The following SNX8 variants were observed in gnomAD, a reference collection of about 807,000 sequenced individuals.
SNX8 encodes sorting nexin 8, also known as sorting nexin-8.
SNX8 carries 25 observed loss-of-function variants against 51.6 expected under a neutral mutation model. The ratio of observed to expected loss-of-function variants is 0.48; its 90% CI spans 0.35 to 0.68. The LOEUF (loss-of-function observed/expected upper bound fraction) is 0.68. Ranked by LOEUF, SNX8 falls within the 30% of genes least tolerant of loss-of-function variation. The probability of loss-of-function intolerance (pLI) is 0.00; values close to 1 mark genes in which losing one functional copy is unlikely to be tolerated. For synonymous variants in SNX8, 324 were observed against 277.0 expected (o/e 1.17, Z -1.68); for missense variants, 695 against 624.0 (o/e 1.11, Z -1.21).
intron 5 of SNX8, among the ~76,000 whole-genome samples, chr7:2,266,621 A>T (rs534959432): frequency 2.6e-5 from 4 of 152,320 alleles, no homozygotes; most frequent in South Asian, 4.1e-4. Context: ...CTAGGATTAC[A>T]GGCGTAAGCC....
At chr7:2,332,158 G>T (rs950745389) in intron 1 of SNX8, among the ~76,000 whole-genome samples, 2 of 151,596 alleles carry the variant, frequency 1.3e-5, no homozygotes, top group Non-Finnish European at 2.9e-5. Context: ...AGTGAACCAA[G>T]ATCACACCAC....
chr7:2,279,520 G>A (rs752794798), intron 1 of SNX8, among the ~76,000 whole-genome samples: 17 of 152,128 alleles, frequency 1.1e-4, no homozygotes, highest in Non-Finnish European at 2.4e-4. Flanking sequence ...GGGAGACCGA[G>A]GCAAGAGGAT....
At chr7:2,299,675 C>A (rs575278306) in intron 1 of SNX8, among the ~76,000 whole-genome samples, 1 of 152,092 alleles carries the variant, frequency 6.6e-6, no homozygotes. Context: ...TGGTTTCTTG[C>A]GTTTTCTTTT....
intron 2 of SNX8, among the ~76,000 whole-genome samples, chr7:2,277,867 CA>C (rs375633553): frequency 1.3e-5 from 2 of 151,920 alleles, no homozygotes; most frequent in East Asian, 1.9e-4. Flanking sequence ...CAAACTGGAC[CA>C]GGGGTGACCA....
At position 2,256,956 on chromosome 7, in the gene SNX8, G is replaced by A. The variant is rs762395749; in HGVS notation, c.1202C>T (p.Thr401Met). The A allele has an allele frequency of 1.7e-5, 27 of 1,613,636 alleles. No individual in the cohort carries two copies. In the South Asian group the frequency reaches 2.5e-4, roughly 15 times the overall value. Residue 401 changes from threonine (T) to methionine (M), a missense_variant, in exon 10 of 11, where the codon ACG (threonine) becomes ATG (methionine). Transcript: ENST00000222990. ...YFSLYCLHQE[T>M]QLIHVYLPLT... ...GGGCAGGTAGACGTGGATGAGCTGC[G>A]TCTCCTGGTGCAGGCAGTACAGGGA... is the stretch of plus-strand genomic sequence containing the variant.
intron 1 of SNX8, among the ~76,000 whole-genome samples, chr7:2,310,635 C>CA (rs1206182059): frequency 6.6e-6 from 1 of 152,002 alleles, no homozygotes; most frequent in Non-Finnish European, 1.5e-5. Context: ...GGTGTGGTGG[C>CA]AGGCACCTGT....
rs1429124540 is a variant in SNX8 at position 2,251,815 on chromosome 7, G to A, written c.*3241C>T. The A allele has an allele frequency of 6.6e-6, 1 of 152,486 alleles. No homozygotes were observed. Among genetic ancestry groups the A allele is most frequent in the African/African-American group, 2.4e-5 (1 of 41,442 alleles). 9.4% of individuals were successfully genotyped at this position (152,486 alleles called of 1,614,324 possible). On this transcript the variant is annotated 3_prime_UTR_variant, in exon 11 of 11. Transcript: ENST00000222990. ...TTATTGATAAACCGTCCAAAATGTA[G>A]GTCATGTGTAAACAATTCCAGTTGT...
chr7:2,346,916 C>T (rs549105086), intron 1 of SNX8, among the ~76,000 whole-genome samples: 91 of 127,478 alleles, frequency 7.1e-4, no homozygotes, highest in African/African-American at 2.7e-3. Flanking sequence ...ATTGAGACTC[C>T]GTCTCAAAAA....
intron 1 of SNX8, among the ~76,000 whole-genome samples, chr7:2,294,149 G>A (rs1171619598): frequency 6.6e-6 from 1 of 151,632 alleles, no homozygotes; most frequent in Non-Finnish European, 1.5e-5. Context: ...TGTAATCTCA[G>A]CTACTCGGGA....
At chr7:2,282,549 C>T (rs1428503379) in intron 1 of SNX8, among the ~76,000 whole-genome samples, 1 of 152,220 alleles carries the variant, frequency 6.6e-6, no homozygotes, top group Non-Finnish European at 1.5e-5. Flanking sequence ...AAACTTCAAA[C>T]ACACACACCC....
At chr7:2,275,323 A>G in intron 2 of SNX8, 94 bp from the exon 3 acceptor site, 1 of 816,340 alleles carries the variant, frequency 1.2e-6, no homozygotes. Flanking sequence ...GACAGCACCA[A>G]GTGCATCTTC....
chr7:2,311,587 G>C (rs1005160290), intron 1 of SNX8, among the ~76,000 whole-genome samples: 6 of 152,178 alleles, frequency 3.9e-5, no homozygotes, highest in African/African-American at 1.4e-4. Flanking sequence ...ACATTCCCTT[G>C]ACATTGCCCA....
intron 7 of SNX8, among the ~76,000 whole-genome samples, chr7:2,258,068 T>C (rs896540656): frequency 6.7e-6 from 1 of 148,602 alleles, no homozygotes; most frequent in Non-Finnish European, 1.5e-5. Flanking sequence ...TGGAATGCAG[T>C]GGCACGATCT....
At chr7:2,274,939 C>G (rs1438282855) in intron 3 of SNX8, 173 bp downstream of exon 3, 2 of 579,886 alleles carry the variant, frequency 3.4e-6, no homozygotes, top group Admixed American at 6.0e-5. Flanking sequence ...CCTGCCTGCA[C>G]CAAGGCTGGG....
Position 2,304,288 on chromosome 7 carries a change from G to T in SNX8, c.94+10040C>A, listed in dbSNP as rs141305085. On this transcript the variant is annotated intron_variant, in intron 1 of 10. Transcript: ENST00000222990. The stretch of plus-strand genomic sequence containing the variant: ...GGCCGGGCACGGCAGCTCACGCCTG[G>T]AATCCCAGCACTTTGGGAGGCCAAG... Among the ~76,000 whole-genome samples the T allele has an allele frequency of 8.7e-3, 1,330 of 152,124 alleles. 44 individuals are homozygous for T. In the South Asian group the frequency reaches 0.095, roughly 11 times the overall value.
At chr7:2,271,368 G>GCGCA (rs1409515663) in intron 4 of SNX8, among the ~76,000 whole-genome samples, 1 of 152,224 alleles carries the variant, frequency 6.6e-6, no homozygotes, top group Non-Finnish European at 1.5e-5. Context: ...ACACAATAAG[G>GCGCA]CTGTGCCGCA....
intron 4 of SNX8, among the ~76,000 whole-genome samples, chr7:2,270,582 C>T (rs1219445918): frequency 6.6e-6 from 1 of 152,054 alleles, no homozygotes; most frequent in East Asian, 1.9e-4. Context: ...TGACCCACTG[C>T]ACCCCTGCCC....
At chr7:2,324,225 A>G (rs59917907) in intron 1 of SNX8, among the ~76,000 whole-genome samples, 59,580 of 151,368 alleles carry the variant, frequency 0.39, 13,738 homozygotes, top group African/African-American at 0.65. Context: ...CAGGAGGGTT[A>G]CTTGAGCCCA....
At chr7:2,310,054 C>A in intron 1 of SNX8, 1 of 364,896 alleles carries the variant, frequency 2.7e-6, no homozygotes. Flanking sequence ...GTGACTCACC[C>A]TCGTTCTAAA....
Sources: allele counts gnomAD v4.1 joint callset (sites outside exome capture counted in the v4.1 genomes callset), GRCh38; gene constraint gnomAD v4.1.1; transcripts MANE v1.5; gene names NCBI Gene and HGNC (gene_info 2026-07-23, HGNC 2026-07-21).